Variants in ARHGAP44 observed in about 807,000 individuals in gnomAD.
ARHGAP44 encodes Rho GTPase activating protein 44.
Under a neutral mutation model 106.8 loss-of-function variants are expected in ARHGAP44, and 43 were observed. The ratio of observed to expected loss-of-function variants is 0.40; its 90% CI spans 0.32 to 0.52. ARHGAP44 has a LOEUF of 0.52. Ranked by LOEUF, ARHGAP44 falls within the 20% of genes least tolerant of loss-of-function variation. The pLI is 0.48. For synonymous variants in ARHGAP44, 439 were observed against 410.3 expected, an observed-to-expected ratio of 1.07 and a Z score of -0.85; for missense variants, 866 against 1,050.5, an observed-to-expected ratio of 0.82 and a Z score of 2.43.
In ARHGAP44 at chr17:12,789,782, G is replaced by T; in HGVS notation, c.-57G>T. 1 of 1,445,932 alleles carries T rather than the reference G, an allele frequency of 6.9e-7. No homozygotes were observed. Among genetic ancestry groups the T allele is most frequent in the Non-Finnish European group, 9.1e-7 (1 of 1,097,740 alleles). 89.6% of individuals were successfully genotyped at this position (1,445,932 alleles called of 1,614,324 possible). ...CGGGAGCCATGTAACCCTGCGGCGGGCTCCGGGCTGCTCCGTCCTTCCCCA... is the reference window on the plus strand; with the variant it reads ...CGGGAGCCATGTAACCCTGCGGCGGTCTCCGGGCTGCTCCGTCCTTCCCCA... On this transcript the variant is annotated 5_prime_UTR_variant, in exon 1 of 21. Transcript: ENST00000379672.
At chr17:12,805,607 A>T (rs1006339901) in intron 1 of ARHGAP44, among the ~76,000 whole-genome samples, 1 of 152,212 alleles carries the variant, frequency 6.6e-6, no homozygotes, top group Non-Finnish European at 1.5e-5. Context: ...TATGAATTGC[A>T]TAGTCATATA....
In ARHGAP44 at chr17:12,912,246, G is replaced by A. The variant is rs186460114; in HGVS notation, c.275+3273G>A. 3.9e-4 allele frequency among the ~76,000 whole-genome samples: 60 copies of A among 152,214 alleles called. No individual in the cohort carries two copies. In the East Asian group the frequency reaches 8.9e-3, roughly 23 times the overall value. On this transcript the variant is annotated intron_variant, in intron 4 of 20. Transcript: ENST00000379672. ...CAGGATGTTAATACAAAATATTTATGGGAAAGAAATAGCCAGAGATCAAAA... is the reference window on the plus strand; with the variant it reads ...CAGGATGTTAATACAAAATATTTATAGGAAAGAAATAGCCAGAGATCAAAA...
chr17:12,818,947 A>G (rs2034681349), intron 1 of ARHGAP44, among the ~76,000 whole-genome samples: 1 of 152,114 alleles, frequency 6.6e-6, no homozygotes, highest in South Asian at 2.1e-4. Context: ...TGGATAGGCA[A>G]AGGAACTAGA....
intron 1 of ARHGAP44, among the ~76,000 whole-genome samples, chr17:12,804,523 C>T (rs1295598561): frequency 6.6e-6 from 1 of 152,186 alleles, no homozygotes; most frequent in Admixed American, 6.5e-5. Flanking sequence ...AAGTAAACAG[C>T]CAACACTATC....
intron 20 of ARHGAP44, chr17:12,985,942 C>G (rs1324455022): frequency 6.6e-6 from 1 of 152,198 alleles, no homozygotes; most frequent in Non-Finnish European, 1.5e-5. Context: ...CTAGGATGCA[C>G]TGGGACTTTT....
intron 1 of ARHGAP44, among the ~76,000 whole-genome samples, chr17:12,858,350 T>A (rs561643717): frequency 1.3e-5 from 2 of 152,338 alleles, no homozygotes; most frequent in South Asian, 2.1e-4. Context: ...TTACCTGGGA[T>A]GGATGATTAA....
At chr17:12,925,073 G>C (rs9303066) in intron 6 of ARHGAP44, among the ~76,000 whole-genome samples, 1 of 151,876 alleles carries the variant, frequency 6.6e-6, no homozygotes, top group African/African-American at 2.4e-5. Flanking sequence ...CTCATTCCTC[G>C]TCTCTCACCC....
Position 12,952,589 on chromosome 17 carries a change from G to A in ARHGAP44, c.1136+8G>A. ...CAATCACAACAACATCCGGTAAGTG[G>A]ATACTTACCAAGTATAGACACATGG... On this transcript the variant is annotated splice_region_variant and intron_variant, in intron 13 of 20. Transcript: ENST00000379672. 6.5e-7 allele frequency: 1 copy of A among 1,548,726 alleles called. No homozygotes were observed.
chr17:12,868,621 A>C (rs1232919695), intron 1 of ARHGAP44, among the ~76,000 whole-genome samples: 1 of 136,084 alleles, frequency 7.3e-6, no homozygotes, highest in Non-Finnish European at 1.6e-5. Flanking sequence ...ATATATATAT[A>C]TATATATATA....
chr17:12,952,887 G>A (rs1213725336), intron 13 of ARHGAP44, among the ~76,000 whole-genome samples: 2 of 151,648 alleles, frequency 1.3e-5, no homozygotes, highest in East Asian at 1.9e-4. Flanking sequence ...ACCACCACGC[G>A]TGGTCTCTGT....
intron 1 of ARHGAP44, among the ~76,000 whole-genome samples, chr17:12,871,598 A>G (rs1544495): frequency 0.91 from 138,711 of 152,030 alleles, 63,429 homozygotes; most frequent in African/African-American, 0.93. Context: ...CTTGAGAACA[A>G]CAAGGGGGAA....
chr17:12,909,172 G>C (rs571524934), intron 4 of ARHGAP44, among the ~76,000 whole-genome samples, 199 bp downstream of exon 4: 12 of 152,276 alleles, frequency 7.9e-5, no homozygotes, highest in Middle Eastern at 3.4e-3. Context: ...GGCCCAAGTG[G>C]AGAGATTAAC....
At chr17:12,833,246 GT>G in intron 1 of ARHGAP44, among the ~76,000 whole-genome samples, 1 of 152,330 alleles carries the variant, frequency 6.6e-6, no homozygotes, top group African/African-American at 2.4e-5. Flanking sequence ...ATAGTGTCCT[GT>G]GTCTGTGTAA....
chr17:12,859,162 G>A (rs2035994521), intron 1 of ARHGAP44, among the ~76,000 whole-genome samples: 1 of 152,180 alleles, frequency 6.6e-6, no homozygotes, highest in Admixed American at 6.5e-5. Context: ...ACAGACATGT[G>A]CTGTGAGAAG....
intron 8 of ARHGAP44, among the ~76,000 whole-genome samples, chr17:12,941,957 G>C (rs891057876): frequency 1.3e-5 from 2 of 152,176 alleles, no homozygotes; most frequent in Non-Finnish European, 2.9e-5. Context: ...GATAAAGAAG[G>C]AAGGTAAGGA....
At chr17:12,830,303 A>T (rs1408711324) in intron 1 of ARHGAP44, among the ~76,000 whole-genome samples, 1 of 152,070 alleles carries the variant, frequency 6.6e-6, no homozygotes, top group Non-Finnish European at 1.5e-5. Flanking sequence ...TTTTTGGATA[A>T]TTGCTCTTTG....
At chr17:12,858,482 T>G (rs1469088087) in intron 1 of ARHGAP44, among the ~76,000 whole-genome samples, 1 of 152,198 alleles carries the variant, frequency 6.6e-6, no homozygotes, top group Non-Finnish European at 1.5e-5. Flanking sequence ...CAGGCCCTTT[T>G]CAAAAAGTTT....
intron 1 of ARHGAP44, among the ~76,000 whole-genome samples, chr17:12,793,505 C>T (rs1433945485): frequency 1.3e-5 from 2 of 152,198 alleles, no homozygotes; most frequent in East Asian, 1.9e-4. Flanking sequence ...GTCAGGAGTT[C>T]GAGACCAGCC....
intron 1 of ARHGAP44, among the ~76,000 whole-genome samples, chr17:12,803,534 G>C (rs2034184320): frequency 6.6e-6 from 1 of 152,122 alleles, no homozygotes; most frequent in Non-Finnish European, 1.5e-5. Context: ...GTCTTACTCT[G>C]TTGCCCAGGC....
Sources: gnomAD v4.1 joint callset for allele counts (sites outside exome capture counted in the v4.1 genomes callset) on GRCh38, gnomAD v4.1.1 for gene constraint, MANE v1.5 for transcripts, NCBI Gene and HGNC (gene_info 2026-07-23, HGNC 2026-07-21) for gene names.